The following PRDM10 variants were observed in gnomAD, a reference collection of about 807,000 sequenced individuals.
The protein encoded by PRDM10 is PR domain zinc finger protein 10.
In PRDM10, 65 loss-of-function variants were observed where a neutral mutation model predicts 133.1. The observed-to-expected ratio is 0.49, with a 90% CI of 0.40 to 0.60. PRDM10 has a LOEUF of 0.60. PRDM10 is among the 20% of genes least tolerant of loss of function. The probability of loss-of-function intolerance (pLI) is 0.00; values close to 1 mark genes in which losing one functional copy is unlikely to be tolerated. For missense variants in PRDM10, 1,137 were observed against 1,507.1 expected, an observed-to-expected ratio of 0.75 and a Z score of 4.07; for synonymous variants, 582 against 580.4, an observed-to-expected ratio of 1.00 and a Z score of -0.04.
intron 1 of PRDM10, among the ~76,000 whole-genome samples, chr11:129,971,980 G>A (rs1051222773): frequency 5.3e-5 from 8 of 152,232 alleles, no homozygotes; most frequent in African/African-American, 9.6e-5. Context: ...CCTGCCCCGC[G>A]GGAAGGCAGC....
At chr11:129,994,465 C>CAAAAAAAAAAAA (rs1187507792) in intron 1 of PRDM10, among the ~76,000 whole-genome samples, 1 of 79,506 alleles carries the variant, frequency 1.3e-5, no homozygotes, top group African/African-American at 5.0e-5. Flanking sequence ...AACTCTGCCT[C>CAAAAAAAAAAAA]AAAAAAAAAA....
At chr11:129,995,710 C>T (rs904542098) in intron 1 of PRDM10, among the ~76,000 whole-genome samples, 4 of 152,032 alleles carry the variant, frequency 2.6e-5, no homozygotes, top group Non-Finnish European at 5.9e-5. Context: ...CTTTGGGAGG[C>T]CGAGGCAGGC....
intron 4 of PRDM10, among the ~76,000 whole-genome samples, chr11:129,951,369 C>T (rs2303659): frequency 0.068 from 10,322 of 152,178 alleles, 682 homozygotes; most frequent in East Asian, 0.39. Context: ...GTAAACGTCA[C>T]CCACGCTTTG....
intron 10 of PRDM10, 147 bp downstream of exon 10, chr11:129,931,955 T>C (rs939120331): frequency 1.9e-5 from 20 of 1,067,922 alleles, no homozygotes; most frequent in Admixed American, 3.1e-5. Context: ...TCTGGCATTA[T>C]CCAATCATTC....
intron 1 of PRDM10, among the ~76,000 whole-genome samples, chr11:129,964,208 G>A (rs1364114456): frequency 9.2e-5 from 14 of 152,154 alleles, no homozygotes; most frequent in Non-Finnish European, 1.5e-5. Flanking sequence ...GGGTGCTGCG[G>A]GGATCGGCAG....
intron 11 of PRDM10, among the ~76,000 whole-genome samples, chr11:129,925,555 G>A (rs1950651921): frequency 6.6e-6 from 1 of 152,158 alleles, no homozygotes; most frequent in Non-Finnish European, 1.5e-5. Context: ...TCCCACAGTG[G>A]AACAGGATAA....
chr11:129,979,429 C>A (rs537803151), intron 1 of PRDM10, among the ~76,000 whole-genome samples: 3 of 152,134 alleles, frequency 2.0e-5, no homozygotes, highest in African/African-American at 7.2e-5. Flanking sequence ...CAGCGCAGTT[C>A]GGAGCTCACC....
chr11:129,958,362 C>T (rs1405981328), intron 2 of PRDM10, among the ~76,000 whole-genome samples: 1 of 152,156 alleles, frequency 6.6e-6, no homozygotes, highest in East Asian at 1.9e-4. Flanking sequence ...TCACTTTTGG[C>T]TAGGCGTGGT....
chr11:129,913,887 G>A (rs1369240953), intron 17 of PRDM10, among the ~76,000 whole-genome samples: 1 of 152,214 alleles, frequency 6.6e-6, no homozygotes, highest in Non-Finnish European at 1.5e-5. Context: ...TGAAACAATA[G>A]TTCTGGGAGA....
chr11:129,945,527 G>C lies in PRDM10; in HGVS notation c.521-515C>G, dbSNP rs146754851. On this transcript the variant is annotated intron_variant, in intron 5 of 20. Transcript: ENST00000360871. The surrounding 1 kb of genome is among the most constrained non-coding windows in gnomAD (Gnocchi z 4.2). ...AACTCAAACGGAAAAAGGGTTGTGCGGTCTGAGAGTTCAGTGCATACTGTC... is the reference window on the plus strand; with the variant it reads ...AACTCAAACGGAAAAAGGGTTGTGCCGTCTGAGAGTTCAGTGCATACTGTC... 6.6e-6 allele frequency among the ~76,000 whole-genome samples: 1 copy of C among 152,128 alleles called. No homozygotes were observed. The highest frequency in any genetic ancestry group is 2.4e-5 in the African/African-American group (1 of 41,426).
chr11:129,957,426 C>G (rs894183596), intron 3 of PRDM10, among the ~76,000 whole-genome samples: 3 of 152,134 alleles, frequency 2.0e-5, no homozygotes, highest in Non-Finnish European at 4.4e-5. Context: ...TCAAGCAATT[C>G]TCTGCCTCAG....
Position 129,918,615 on chromosome 11 carries a change from A to G in PRDM10, c.2138T>C (p.Ile713Thr). 2 of 1,614,234 alleles carry G rather than the reference A, an allele frequency of 1.2e-6. No individual in the cohort carries two copies. The highest frequency in any genetic ancestry group is 1.1e-5 in the South Asian group (1 of 91,090). Residue 713 changes from isoleucine to threonine, a missense_variant, in exon 14 of 21, where the codon ATC becomes ACC. This residue lies in a region of PRDM10 where 78 missense variants were observed against 96.4 expected (regional missense o/e 0.81). Coordinates refer to ENST00000360871, the MANE Select transcript of PRDM10 (RefSeq NM_199437.2). The surrounding 1 kb of genome is among the most constrained non-coding windows in gnomAD (Gnocchi z 5.3). ...ISRSKTFKPR[I>T]TSTDYDSFTF... ...GAAGCTGTCGTAGTCTGTGGACGTGATGCGGGGCTTGAACGTCTTGGAGCG... is the reference window on the plus strand; with the variant it reads ...GAAGCTGTCGTAGTCTGTGGACGTGGTGCGGGGCTTGAACGTCTTGGAGCG...
At chr11:130,000,796 C>T (rs1002860298) in intron 1 of PRDM10, among the ~76,000 whole-genome samples, 2 of 152,146 alleles carry the variant, frequency 1.3e-5, no homozygotes, top group Non-Finnish European at 2.9e-5. Flanking sequence ...GTCAACTTCA[C>T]CTCAATTTAT....
chr11:129,966,580 AG>A (rs1229386571), intron 1 of PRDM10, among the ~76,000 whole-genome samples: 1 of 152,246 alleles, frequency 6.6e-6, no homozygotes, highest in East Asian at 1.9e-4. Flanking sequence ...ACATGGGAAC[AG>A]TAGCAGGGCA....
intron 9 of PRDM10, among the ~76,000 whole-genome samples, chr11:129,932,628 C>T (rs549856604): frequency 6.6e-6 from 1 of 152,192 alleles, no homozygotes; most frequent in Non-Finnish European, 1.5e-5. Context: ...CATATTCCTT[C>T]CAAGAAATGT....
chr11:129,904,174 AAGG>A (rs1488630370), intron 20 of PRDM10, among the ~76,000 whole-genome samples: 1 of 151,348 alleles, frequency 6.6e-6, no homozygotes, highest in Non-Finnish European at 1.5e-5. Flanking sequence ...AAAAAAAAAA[AAGG>A]AGAAAAAAAA....
intron 4 of PRDM10, among the ~76,000 whole-genome samples, chr11:129,950,763 G>T (rs916874937): frequency 2.0e-5 from 3 of 152,134 alleles, no homozygotes; most frequent in Non-Finnish European, 4.4e-5. Flanking sequence ...TCATAAACTC[G>T]CTCTGCAGAG....
intron 11 of PRDM10, among the ~76,000 whole-genome samples, chr11:129,930,415 C>T (rs1950816786): frequency 6.6e-6 from 1 of 152,188 alleles, no homozygotes; most frequent in South Asian, 2.1e-4. Context: ...AACTGCAAGT[C>T]AGGAAAGCCC....
intron 17 of PRDM10, among the ~76,000 whole-genome samples, chr11:129,913,303 A>G (rs746160024): frequency 3.9e-5 from 6 of 152,102 alleles, no homozygotes; most frequent in African/African-American, 1.4e-4. Flanking sequence ...TTCAGCTCCA[A>G]TGCTGCACTC....
Sources: gnomAD v4.1 joint callset for allele counts (sites outside exome capture counted in the v4.1 genomes callset) on GRCh38, gnomAD v4.1.1 for gene constraint, gnomAD v4.1.1 regional missense constraint, Gnocchi (gnomAD v3.1) non-coding constraint, MANE v1.5 for transcripts, NCBI Gene and HGNC (gene_info 2026-07-23, HGNC 2026-07-21) for gene names.